The following ERICH6B variants were observed in gnomAD, a reference collection of about 807,000 sequenced individuals.
The protein encoded by ERICH6B is glutamate rich 6B.
In ERICH6B, 69 loss-of-function variants were observed where a neutral mutation model predicts 80.0. The ratio of observed to expected loss-of-function variants is 0.86; its 90% CI spans 0.71 to 1.05. ERICH6B has a LOEUF of 1.05. Among genes scored for constraint, ERICH6B ranks in the 50% least tolerant of loss-of-function variants. The pLI is 0.00. For missense variants in ERICH6B, 754 were observed against 796.1 expected (o/e 0.95, Z 0.64); for synonymous variants, 283 against 291.9 (o/e 0.97, Z 0.31).
At chr13:45,588,430 G>A (rs1013041021) in intron 4 of ERICH6B, among the ~76,000 whole-genome samples, 2 of 152,208 alleles carry the variant, frequency 1.3e-5, no homozygotes, top group African/African-American at 4.8e-5. Flanking sequence ...GGTGACCGCA[G>A]GGATTAAGAA....
chr13:45,572,134 T>C (rs578071572), intron 8 of ERICH6B, among the ~76,000 whole-genome samples: 128 of 152,362 alleles, frequency 8.4e-4, no homozygotes, highest in African/African-American at 3.0e-3. Flanking sequence ...GGATATCTCA[T>C]AGAAACTTAA....
chr13:45,591,065 C>A (rs1313531429), intron 3 of ERICH6B, among the ~76,000 whole-genome samples: 1 of 152,180 alleles, frequency 6.6e-6, no homozygotes, highest in African/African-American at 2.4e-5. Flanking sequence ...TTTTAAAGGA[C>A]CTGCTTGTGT....
At chr13:45,593,442 C>T (rs998251635) in intron 3 of ERICH6B, among the ~76,000 whole-genome samples, 6 of 152,186 alleles carry the variant, frequency 3.9e-5, no homozygotes, top group Admixed American at 2.0e-4. Context: ...ATGGCTAACA[C>T]TTGCTTAGGC....
intron 11 of ERICH6B, among the ~76,000 whole-genome samples, chr13:45,557,534 T>C (rs752402734): frequency 2.0e-5 from 3 of 152,160 alleles, no homozygotes; most frequent in Non-Finnish European, 4.4e-5. Flanking sequence ...GTTTTTCCAA[T>C]GTTGTCTTTT....
At position 45,563,779 on chromosome 13, in the gene ERICH6B, T is replaced by C. The variant is rs145139828; in HGVS notation, c.1197A>G (p.Lys399=). The C allele has an allele frequency of 1.7e-3, 2,619 of 1,552,216 alleles. 33 individuals carry two copies. In the African/African-American group the frequency reaches 0.031, roughly 18 times the overall value. ...TTGTTTCCTTGAACTTTTCATAATT[T>C]TTCTTCAGCCTAAAAGGAAAGTGGA... ...NRWKLVIMLK[K]NYEKFKETIL... Residue 399 remains lysine, a synonymous_variant, in exon 10 of 15, where the codon AAA becomes AAG. Coordinates refer to ENST00000298738, the MANE Select transcript of ERICH6B (RefSeq NM_182542.3).
chr13:45,596,269 C>T, intron 3 of ERICH6B, 100 bp downstream of exon 3: 1 of 1,378,386 alleles, frequency 7.3e-7, no homozygotes, highest in Non-Finnish European at 9.6e-7. Flanking sequence ...TGCCCTCCTC[C>T]AGATACTCAT....
At chr13:45,570,683 T>C (rs545784057) in intron 8 of ERICH6B, among the ~76,000 whole-genome samples, 25 of 152,322 alleles carry the variant, frequency 1.6e-4, no homozygotes, top group African/African-American at 5.8e-4. Flanking sequence ...CATGTGGCTT[T>C]TTGCCCCATT....
At chr13:45,543,110 G>A (rs975259692) in intron 14 of ERICH6B, among the ~76,000 whole-genome samples, 5 of 152,212 alleles carry the variant, frequency 3.3e-5, no homozygotes, top group Non-Finnish European at 7.3e-5. Context: ...CTCTGGTGGT[G>A]TGGGGGTCTG....
chr13:45,567,394 C>T (rs934181216), intron 9 of ERICH6B, among the ~76,000 whole-genome samples: 21 of 152,166 alleles, frequency 1.4e-4, no homozygotes, highest in African/African-American at 4.6e-4. Context: ...GCTGTGTTCC[C>T]ACCCAAATCT....
intron 5 of ERICH6B, among the ~76,000 whole-genome samples, chr13:45,585,273 T>C (rs897025726): frequency 1.6e-4 from 24 of 152,152 alleles, no homozygotes; most frequent in African/African-American, 5.6e-4. Flanking sequence ...GGATGGAATA[T>C]TCCTTTCCAT....
intron 14 of ERICH6B, among the ~76,000 whole-genome samples, chr13:45,542,684 G>T (rs926795267): frequency 6.6e-6 from 1 of 152,120 alleles, no homozygotes; most frequent in African/African-American, 2.4e-5. Flanking sequence ...GCCCCAGCTG[G>T]TCCCGCCACT....
At chr13:45,545,814 C>T (rs1873969573) in intron 13 of ERICH6B, among the ~76,000 whole-genome samples, 1 of 152,248 alleles carries the variant, frequency 6.6e-6, no homozygotes, top group South Asian at 2.1e-4. Context: ...CAGAGCGTGG[C>T]CTTGTTCAAT....
intron 9 of ERICH6B, among the ~76,000 whole-genome samples, chr13:45,566,341 A>G (rs1217831705): frequency 1.3e-5 from 2 of 152,274 alleles, no homozygotes; most frequent in Non-Finnish European, 2.9e-5. Flanking sequence ...AGTAACGAGG[A>G]GCTGAATGTT....
intron 11 of ERICH6B, among the ~76,000 whole-genome samples, chr13:45,556,646 T>C (rs1316519608): frequency 6.6e-6 from 1 of 152,190 alleles, no homozygotes; most frequent in Non-Finnish European, 1.5e-5. Flanking sequence ...TGAGAACGTA[T>C]GATGCTTGGT....
intron 9 of ERICH6B, among the ~76,000 whole-genome samples, chr13:45,565,770 G>A (rs950808726): frequency 1.3e-5 from 2 of 152,208 alleles, no homozygotes; most frequent in African/African-American, 4.8e-5. Flanking sequence ...TCTTGGGCAT[G>A]TCTTTATCAG....
At position 45,596,619 on chromosome 13, in the gene ERICH6B, C is replaced by T. The variant is rs768454328; in HGVS notation, c.387G>A (p.Gly129=). The T allele has an allele frequency of 7.1e-6, 11 of 1,546,328 alleles. No individual in the cohort carries two copies. The South Asian group carries it at 9.6e-5, about 13-fold the overall frequency. Residue 129 remains glycine, a synonymous_variant, in exon 3 of 15, where the codon GGG becomes GGA. Coordinates refer to ENST00000298738, the MANE Select transcript of ERICH6B (RefSeq NM_182542.3). ...EGYLEEEEYL[G]KEEHLEEEEY... ...CTTCCTCCTCCAGATGCTCTTCCTT[C>T]CCCAGGTACTCTTCCTCCTCCAGAT...
In ERICH6B at chr13:45,580,633, G is replaced by A. The variant is rs1875616642; in HGVS notation, c.889C>T (p.Gln297Ter). Reference sequence around the variant, plus strand: ...GGAGCCAGCTTCGTGGTGGTTTCTTGCTCTGTTTCTGATTTCGATTTTAAA... The same window carrying A: ...GGAGCCAGCTTCGTGGTGGTTTCTTACTCTGTTTCTGATTTCGATTTTAAA... ...KSLKSKSETEQETTTKLAPEE... is the reference protein window; with the variant it reads ...KSLKSKSETE The change falls in exon 6 of 15, where the codon CAA becomes TAA. Residue 297 changes from glutamine to a stop codon, truncating the protein, a stop_gained. Transcript: ENST00000298738. LOFTEE classifies it high-confidence loss of function. 6.4e-7 allele frequency: 1 copy of A among 1,551,662 alleles called. No homozygotes were observed.
At position 45,606,622 on chromosome 13, in the gene ERICH6B, C is replaced by T. The variant is rs1294274229; in HGVS notation, c.-59+942G>A. ...AGGCCAGAGTGCAGTGGTGTAATCT[C>T]GGCTCACTGCAACCTCTGACTCCCA... On this transcript the variant is annotated intron_variant, in intron 2 of 14. Coordinates refer to ENST00000298738, the MANE Select transcript of ERICH6B (RefSeq NM_182542.3). Among the ~76,000 whole-genome samples the T allele has an allele frequency of 8.0e-5, 11 of 137,480 alleles. No individual in the cohort carries two copies. In the South Asian group the frequency reaches 1.4e-3, roughly 18 times the overall value. The allele number at this position is 137,480 out of a possible 152,430, so 90.2% of individuals were successfully genotyped here.
At chr13:45,613,318 C>G (rs1350071198) in intron 1 of ERICH6B, among the ~76,000 whole-genome samples, 1 of 152,108 alleles carries the variant, frequency 6.6e-6, no homozygotes, top group Non-Finnish European at 1.5e-5. Context: ...TGTAGAAAAG[C>G]TGGTTGTACA....
Sources: gnomAD v4.1 joint callset for allele counts (sites outside exome capture counted in the v4.1 genomes callset) on GRCh38, gnomAD v4.1.1 for gene constraint, MANE v1.5 for transcripts, NCBI Gene and HGNC (gene_info 2026-07-23, HGNC 2026-07-21) for gene names.